Variants in TEX9 observed in about 807,000 individuals in gnomAD.
TEX9 encodes the protein testis expressed 9, also known as testis-expressed protein 9.
In TEX9, 74 loss-of-function variants were observed where a neutral mutation model predicts 59.6. The ratio of observed to expected loss-of-function variants is 1.24; its 90% CI spans 1.03 to 1.51. The LOEUF is 1.51. Ranked by LOEUF, TEX9 falls within the 40% of genes most tolerant of loss-of-function variation. The pLI, the probability that TEX9 is intolerant of heterozygous loss-of-function variation, is 0.00. For synonymous variants in TEX9, 186 were observed against 152.2 expected, an observed-to-expected ratio of 1.22 and a Z score of -1.64; for missense variants, 522 against 447.8, an observed-to-expected ratio of 1.17 and a Z score of -1.49.
chr15:56,446,818 A>G (rs1245395456), downstream of TEX9: 8 of 1,541,410 alleles, frequency 5.2e-6, no homozygotes, highest in East Asian at 2.3e-5. Context: ...AGCTAAAAAC[A>G]TAATGACCAG....
chr15:56,302,899 A>C (rs930238974), intron 1 of TEX9, among the ~76,000 whole-genome samples: 9 of 152,212 alleles, frequency 5.9e-5, no homozygotes, highest in Non-Finnish European at 1.2e-4. Context: ...CCAAGAAAGA[A>C]CAGGAGTCAT....
intron 1 of TEX9, among the ~76,000 whole-genome samples, chr15:56,355,682 C>G (rs954153938): frequency 6.6e-6 from 1 of 152,050 alleles, no homozygotes; most frequent in Non-Finnish European, 1.5e-5. Context: ...GAACTGACAT[C>G]TTAACAATAT....
chr15:56,293,538 C>T lies in TEX9; in HGVS notation c.-107+49260C>T, dbSNP rs531299891. Among the ~76,000 whole-genome samples the T allele has an allele frequency of 5.9e-5, 9 of 152,264 alleles. No individual in the cohort carries two copies. In the South Asian group the frequency reaches 1.9e-3, roughly 32 times the overall value. ...ATGAATGTTCTGCCTAATATAAATT[C>T]TATTCTAGAATGTTCTGGGGTGGGG... On this transcript the variant is annotated intron_variant, in intron 1 of 5. Coordinates refer to the TEX9 transcript ENST00000560827.
intron 10 of TEX9, among the ~76,000 whole-genome samples, chr15:56,420,798 C>G (rs2049942138): frequency 6.6e-6 from 1 of 151,824 alleles, no homozygotes; most frequent in Admixed American, 6.6e-5. Flanking sequence ...TTTATTTCCT[C>G]TGAGCCATGA....
chr15:56,291,933 A>C (rs1352903853), intron 1 of TEX9, among the ~76,000 whole-genome samples: 1 of 152,268 alleles, frequency 6.6e-6, no homozygotes, highest in African/African-American at 2.4e-5. Context: ...GGCATCCTTT[A>C]GTACTATCAC....
intron 1 of TEX9, among the ~76,000 whole-genome samples, chr15:56,340,380 T>A (rs12438761): frequency 0.044 from 6,690 of 152,318 alleles, 222 homozygotes; most frequent in Admixed American, 0.086. Context: ...ACAATCATGA[T>A]AATACATCAT....
At chr15:56,247,242 C>T (rs1205377523) in intron 1 of TEX9, among the ~76,000 whole-genome samples, 2 of 152,028 alleles carry the variant, frequency 1.3e-5, no homozygotes, top group Non-Finnish European at 2.9e-5. Flanking sequence ...GTATTGGGCA[C>T]GGAAAATATG....
intron 1 of TEX9, among the ~76,000 whole-genome samples, chr15:56,262,005 G>C (rs1432865879): frequency 6.6e-6 from 1 of 152,192 alleles, no homozygotes; most frequent in Non-Finnish European, 1.5e-5. Context: ...TTCATGGGGA[G>C]ATGTCTCAGT....
At chr15:56,255,283 C>T (rs749428434) in intron 1 of TEX9, among the ~76,000 whole-genome samples, 1 of 151,960 alleles carries the variant, frequency 6.6e-6, no homozygotes, top group Non-Finnish European at 1.5e-5. Context: ...TAGATGATTG[C>T]AACATAAAGA....
chr15:56,411,020 G>C (rs1238848603), intron 9 of TEX9, among the ~76,000 whole-genome samples: 1 of 152,126 alleles, frequency 6.6e-6, no homozygotes, highest in Non-Finnish European at 1.5e-5. Flanking sequence ...CTCAGAGCCA[G>C]GGAGACCAGT....
intron 1 of TEX9, among the ~76,000 whole-genome samples, chr15:56,265,328 A>T (rs917849417): frequency 1.3e-5 from 2 of 151,514 alleles, no homozygotes; most frequent in African/African-American, 4.8e-5. Context: ...TACCAGGCCC[A>T]GCTTTTTTTT....
chr15:56,301,114 A>G (rs1596074165), intron 1 of TEX9, among the ~76,000 whole-genome samples: 3 of 152,314 alleles, frequency 2.0e-5, no homozygotes, highest in East Asian at 1.9e-4. Flanking sequence ...ATTTAAGATA[A>G]TACAGAGAAG....
chr15:56,437,062 C>A (rs1445493144), intron 12 of TEX9, among the ~76,000 whole-genome samples: 1 of 152,098 alleles, frequency 6.6e-6, no homozygotes, highest in Non-Finnish European at 1.5e-5. Context: ...GAAACTATTC[C>A]AATCAATAGA....
chr15:56,273,134 A>C (rs535196712), intron 1 of TEX9, among the ~76,000 whole-genome samples: 32 of 151,504 alleles, frequency 2.1e-4, no homozygotes, highest in South Asian at 6.3e-4. Context: ...TTGCATTTTT[A>C]AGTAGGCATG....
intron 1 of TEX9, among the ~76,000 whole-genome samples, chr15:56,350,734 G>T (rs149142285): frequency 1.3e-5 from 2 of 152,088 alleles, no homozygotes; most frequent in Non-Finnish European, 2.9e-5. Context: ...AGCTTGTATT[G>T]ATCTTTAAAA....
chr15:56,405,062 A>G (rs1303878982), intron 9 of TEX9, among the ~76,000 whole-genome samples: 2 of 152,200 alleles, frequency 1.3e-5, no homozygotes, highest in African/African-American at 4.8e-5. Flanking sequence ...GCAAATCAAC[A>G]TGATACATGT....
downstream of TEX9, among the ~76,000 whole-genome samples, chr15:56,448,352 G>A (rs1298473608): frequency 2.0e-5 from 3 of 152,176 alleles, no homozygotes; most frequent in Non-Finnish European, 4.4e-5. Context: ...CCCAGGCAGT[G>A]AGCACAGAAT....
At chr15:56,436,854 A>G (rs2050734892) in intron 12 of TEX9, among the ~76,000 whole-genome samples, 2 of 152,236 alleles carry the variant, frequency 1.3e-5, no homozygotes, top group South Asian at 4.1e-4. Flanking sequence ...AAAATCTAGA[A>G]GAAATGGATA....
At chr15:56,457,813 CTT>C in the TEX9 span, among the ~76,000 whole-genome samples, 13 of 150,100 alleles carry the variant, frequency 8.7e-5, no homozygotes, top group Non-Finnish European at 1.5e-4. Context: ...GACCCTGTCT[CTT>C]AAAAAAAAAA....
Sources: allele counts gnomAD v4.1 joint callset (sites outside exome capture counted in the v4.1 genomes callset), GRCh38; gene constraint gnomAD v4.1.1; transcripts MANE v1.5; gene names NCBI Gene and HGNC (gene_info 2026-07-23, HGNC 2026-07-21).